RIMS1: variants seen among roughly 807,000 people sequenced by gnomAD.
RIMS1 encodes the protein regulating synaptic membrane exocytosis protein 1.
In RIMS1, 83 loss-of-function variants were observed where a neutral mutation model predicts 214.1. The ratio of observed to expected loss-of-function variants is 0.39; its 90% confidence interval spans 0.32 to 0.47. RIMS1 has a LOEUF of 0.47. Ranked by LOEUF, RIMS1 falls within the 20% of genes least tolerant of loss-of-function variation. RIMS1 has a pLI of 0.99. For synonymous variants in RIMS1, 793 were observed against 786.8 expected (o/e 1.01, Z -0.13); for missense variants, 2,050 against 2,161.8 (o/e 0.95, Z 1.03).
intron 29 of RIMS1, among the ~76,000 whole-genome samples, chr6:72,359,234 G>T (rs576523405): frequency 6.6e-6 from 1 of 152,282 alleles, no homozygotes; most frequent in East Asian, 1.9e-4. Context: ...CCAATCTCCA[G>T]AAAGAATTCT....
chr6:72,257,387 T>G (rs1199289320), intron 16 of RIMS1, among the ~76,000 whole-genome samples: 1 of 152,124 alleles, frequency 6.6e-6, no homozygotes, highest in East Asian at 1.9e-4. Context: ...TAATTTATTT[T>G]AAATTGCAAT....
Position 72,313,616 on chromosome 6 carries a change from C to A in RIMS1, c.4074C>A (p.Arg1358=), listed in dbSNP as rs894109470. The A allele has an allele frequency of 2.5e-6, 4 of 1,613,564 alleles. No homozygotes were observed. The African/African-American group carries it at 5.3e-5, about 22-fold the overall frequency. The part of the protein sequence containing the change: ...SAISRTSSAS[R]LSSTSFMSEQ... ...TTTCCCGAACCAGCAGTGCCTCACG[C>A]CTCAGCAGCACAAGCTTTATGTCAG... Residue 1358 remains arginine (R), a synonymous_variant, in exon 28 of 34, where the codon CGC becomes CGA. Transcript: ENST00000521978.
intron 1 of RIMS1, among the ~76,000 whole-genome samples, chr6:71,916,965 T>A (rs1778614352): frequency 6.6e-6 from 1 of 152,158 alleles, no homozygotes; most frequent in African/African-American, 2.4e-5. Context: ...AGAGCTTGCA[T>A]TCTGGGAAGT....
chr6:71,945,845 G>A (rs1787646796), intron 1 of RIMS1, among the ~76,000 whole-genome samples: 1 of 151,740 alleles, frequency 6.6e-6, no homozygotes, highest in Admixed American at 6.6e-5. Flanking sequence ...CGCTTCCTGG[G>A]TTCAAGCGAT....
In RIMS1 at chr6:72,284,172, G is replaced by C; in HGVS notation, c.3554+54G>C. The C allele has an allele frequency of 2.1e-6, 3 of 1,437,942 alleles. No homozygotes were observed. In the East Asian group the frequency reaches 6.9e-5, roughly 33 times the overall value. 89.1% of individuals were successfully genotyped at this position (1,437,942 alleles called of 1,614,324 possible). ...TCTTCCATTTTAGGAATATATTTAGGGGTGCTGTCACTCTCATTTTACATG... is the reference window on the plus strand; with the variant it reads ...TCTTCCATTTTAGGAATATATTTAGCGGTGCTGTCACTCTCATTTTACATG... On this transcript the variant is annotated intron_variant, in intron 24 of 33. Coordinates refer to ENST00000521978, the MANE Select transcript of RIMS1 (RefSeq NM_014989.7).
chr6:72,112,031 T>C (rs755486170), intron 4 of RIMS1, among the ~76,000 whole-genome samples: 6 of 152,176 alleles, frequency 3.9e-5, no homozygotes, highest in Admixed American at 2.6e-4. Flanking sequence ...AAATTTAATG[T>C]GTAAAACCCA....
At chr6:72,096,903 T>C in intron 2 of RIMS1, 46 bp from the exon 3 acceptor site, 1 of 1,475,976 alleles carries the variant, frequency 6.8e-7, no homozygotes, top group Non-Finnish European at 9.4e-7. Context: ...CTTGGTTTTG[T>C]CTTCCACTAT....
At chr6:72,185,915 C>T (rs985183315) in intron 6 of RIMS1, among the ~76,000 whole-genome samples, 2 of 152,176 alleles carry the variant, frequency 1.3e-5, no homozygotes, top group Non-Finnish European at 2.9e-5. Flanking sequence ...GGATGAAGAC[C>T]TTTAGGATGA....
chr6:72,182,627 C>T lies in RIMS1; in HGVS notation c.1156C>T (p.His386Tyr). The T allele has an allele frequency of 6.5e-7, 1 of 1,544,988 alleles. No homozygotes were observed. Among genetic ancestry groups the T allele is most frequent in the Non-Finnish European group, 8.7e-7 (1 of 1,145,020 alleles). The change falls in exon 6 of 34, where the codon CAC becomes TAC. Residue 386 changes from histidine to tyrosine, a missense_variant. By Grantham distance (83) the His-to-Tyr change is moderately conservative. Transcript: ENST00000521978. ...GCACGCCCGGGTGTCCCGCGCCAGG[C>T]ACGAGCGGCGCCACAGCGACGTGGC... ...RMHARVSRAR[H>Y]ERRHSDVALP...
chr6:72,109,595 A>C (rs2035588747), intron 4 of RIMS1, among the ~76,000 whole-genome samples: 1 of 150,988 alleles, frequency 6.6e-6, no homozygotes, highest in South Asian at 2.1e-4. Flanking sequence ...TAGATTCTGG[A>C]TATTAGCCCT....
At chr6:71,937,272 A>AT (rs1455829523) in intron 1 of RIMS1, among the ~76,000 whole-genome samples, 3 of 151,970 alleles carry the variant, frequency 2.0e-5, no homozygotes, top group Non-Finnish European at 2.9e-5. Context: ...TAATTAATTG[A>AT]TTTTTTGAGG....
At chr6:71,932,760 A>G (rs1459113224) in intron 1 of RIMS1, among the ~76,000 whole-genome samples, 1 of 152,154 alleles carries the variant, frequency 6.6e-6, no homozygotes, top group African/African-American at 2.4e-5. Context: ...ATAGGCATGT[A>G]TTATCATGAT....
chr6:71,894,102 A>G (rs1770842839), intron 1 of RIMS1, among the ~76,000 whole-genome samples: 1 of 152,364 alleles, frequency 6.6e-6, no homozygotes, highest in East Asian at 1.9e-4. Context: ...AGTGGTAGAT[A>G]TAAAATCTTG....
chr6:72,299,090 T>C (rs1310590384), intron 26 of RIMS1, among the ~76,000 whole-genome samples: 1 of 151,946 alleles, frequency 6.6e-6, no homozygotes, highest in African/African-American at 2.4e-5. Flanking sequence ...TCTTGGACAG[T>C]TTTAAAGAGC....
Position 72,258,172 on chromosome 6 carries a change from G to A in RIMS1, c.2818G>A (p.Val940Met). The A allele has an allele frequency of 6.2e-7, 1 of 1,613,174 alleles. No homozygotes were observed. The highest frequency in any genetic ancestry group is 1.7e-4 in the Middle Eastern group (1 of 6,054). ...ARESKSTTLT[V>M]PEQQRTTHHR... The stretch of plus-strand genomic sequence containing the variant: ...AGAAAGTAAATCTACAACATTAACT[G>A]TGCCAGAACAGCAAAGAACAACTCA... Residue 940 changes from valine to methionine, a missense_variant, in exon 17 of 34, where the codon GTG becomes ATG. Around this residue, in one of 6 missense-constraint regions of RIMS1, gnomAD observed 889 missense variants for 885.5 expected, o/e 1.00. Transcript: ENST00000521978.
intron 29 of RIMS1, among the ~76,000 whole-genome samples, chr6:72,361,151 C>T (rs533399427): frequency 7.5e-6 from 1 of 132,796 alleles, no homozygotes; most frequent in Non-Finnish European, 1.5e-5. Flanking sequence ...CTCTGTTGCC[C>T]AGGCTGGAGT....
At position 72,125,018 on chromosome 6, in the gene RIMS1, A is replaced by C. The variant is rs182614238; in HGVS notation, c.471+25032A>C. Reference sequence around the variant, plus strand: ...GTCATTCTCTGTCCAGCTTTGTTCCATTGCTGGTGAGGAGCTGCAGTCCTT... The same window carrying C: ...GTCATTCTCTGTCCAGCTTTGTTCCCTTGCTGGTGAGGAGCTGCAGTCCTT... On this transcript the variant is annotated intron_variant, in intron 4 of 33. Transcript: ENST00000521978. Among the ~76,000 whole-genome samples, 36 of 152,156 alleles carry C rather than the reference A, an allele frequency of 2.4e-4. No individual in the cohort carries two copies. In the Middle Eastern group the frequency reaches 0.01, roughly 43 times the overall value.
intron 4 of RIMS1, among the ~76,000 whole-genome samples, chr6:72,123,865 T>C (rs1480926729): frequency 6.6e-6 from 1 of 151,732 alleles, no homozygotes; most frequent in Non-Finnish European, 1.5e-5. Context: ...GCTATGTGTG[T>C]CTCTGCATGT....
chr6:72,219,684 T>A (rs2057713940), intron 6 of RIMS1, among the ~76,000 whole-genome samples: 1 of 151,994 alleles, frequency 6.6e-6, no homozygotes, highest in Admixed American at 6.6e-5. Context: ...TTTTTTTGTT[T>A]GTTTTTGTTA....
Sources: allele counts gnomAD v4.1 joint callset (sites outside exome capture counted in the v4.1 genomes callset), GRCh38; gene constraint gnomAD v4.1.1; regional missense constraint gnomAD v4.1.1; transcripts MANE v1.5; gene names NCBI Gene and HGNC (gene_info 2026-07-23, HGNC 2026-07-21).